PDE4B: variants seen among roughly 807,000 people sequenced by gnomAD.
PDE4B encodes the protein phosphodiesterase 4B.
PDE4B carries 20 observed loss-of-function variants against 82.2 expected under a neutral mutation model. The ratio of observed to expected loss-of-function variants is 0.24; its 90% CI spans 0.17 to 0.35. The LOEUF is 0.35. Ranked by LOEUF, PDE4B falls within the 10% of genes least tolerant of loss-of-function variation. The pLI is 1.00. For missense variants in PDE4B, 655 were observed against 907.2 expected, an observed-to-expected ratio of 0.72 and a Z score of 3.57; for synonymous variants, 320 against 318.9, an observed-to-expected ratio of 1.00 and a Z score of -0.04.
chr1:66,360,857 A>G (rs775634327), intron 9 of PDE4B: 1 of 152,198 alleles, frequency 6.6e-6, no homozygotes, highest in Admixed American at 6.5e-5. Flanking sequence ...AAAAAATATT[A>G]TGAAGTATCA....
At chr1:66,332,473 C>G (rs1660195864) in intron 7 of PDE4B, 35 bp from the exon 8 acceptor site, 4 of 1,614,036 alleles carry the variant, frequency 2.5e-6, no homozygotes, top group Non-Finnish European at 3.4e-6. Flanking sequence ...TGCAGCCGCT[C>G]CAGCCTAACT....
chr1:65,948,924 C>T (rs778087593), intron 3 of PDE4B, among the ~76,000 whole-genome samples: 3 of 152,062 alleles, frequency 2.0e-5, no homozygotes, highest in Non-Finnish European at 2.9e-5. Flanking sequence ...TCTACTCTGC[C>T]GTCACGTATC....
At chr1:65,849,009 C>T (rs6681523) in intron 1 of PDE4B, among the ~76,000 whole-genome samples, 106,650 of 151,970 alleles carry the variant, frequency 0.7, 37,675 homozygotes, top group African/African-American at 0.73. Flanking sequence ...AGAATACTAT[C>T]ATTAGACCAT....
intron 3 of PDE4B, among the ~76,000 whole-genome samples, chr1:66,131,153 G>T (rs538388508): frequency 1.3e-5 from 2 of 152,194 alleles, no homozygotes; most frequent in Admixed American, 1.3e-4. Context: ...GTTGTGCAAA[G>T]GTAAAAAACA....
Position 66,052,003 on chromosome 1 carries a change from C to G in PDE4B, c.281+133168C>G, listed in dbSNP as rs1411254340. ...ATCTTCTGAGGTTCTGTTGGGTTTA[C>G]CAAGGTGGTGGGGCCTGCATTGAAG... On this transcript the variant is annotated intron_variant, in intron 3 of 16. Transcript: ENST00000341517. Among the ~76,000 whole-genome samples the G allele has an allele frequency of 1.6e-4, 7 of 44,090 alleles. No homozygotes were observed. In the East Asian group the frequency reaches 2.2e-3, roughly 14 times the overall value. 28.9% of individuals were successfully genotyped at this position (44,090 alleles called of 152,430 possible).
At chr1:66,205,764 T>C (rs1409856542) in intron 3 of PDE4B, among the ~76,000 whole-genome samples, 2 of 152,262 alleles carry the variant, frequency 1.3e-5, no homozygotes, top group Non-Finnish European at 2.9e-5. Context: ...CTGTCTGTGC[T>C]AGAAAGGAAC....
At chr1:66,063,460 G>A (rs12083949) in intron 3 of PDE4B, among the ~76,000 whole-genome samples, 2,602 of 152,060 alleles carry the variant, frequency 0.017, 75 homozygotes, top group African/African-American at 0.059. Context: ...GGAAACACTA[G>A]TCTTTTCTAA....
At chr1:65,924,273 A>G (rs1377063046) in intron 3 of PDE4B, among the ~76,000 whole-genome samples, 1 of 146,478 alleles carries the variant, frequency 6.8e-6, no homozygotes, top group Non-Finnish European at 1.5e-5. Context: ...ACGGGGTTTC[A>G]CTGTTTTAGC....
At chr1:65,867,487 A>G (rs567028578) in intron 1 of PDE4B, among the ~76,000 whole-genome samples, 3 of 152,340 alleles carry the variant, frequency 2.0e-5, no homozygotes, top group African/African-American at 4.8e-5. Flanking sequence ...ACATTTATCA[A>G]ATCATAGCTT....
At chr1:66,159,705 TTTATTCCTG>T (rs1323221998) in intron 3 of PDE4B, among the ~76,000 whole-genome samples, 2 of 152,158 alleles carry the variant, frequency 1.3e-5, no homozygotes, top group Non-Finnish European at 2.9e-5. Flanking sequence ...GGTAGTGTCT[TTTATTCCTG>T]TAGAAATAAC....
At chr1:65,906,738 A>G (rs1318939835) in intron 1 of PDE4B, among the ~76,000 whole-genome samples, 1 of 152,134 alleles carries the variant, frequency 6.6e-6, no homozygotes, top group East Asian at 1.9e-4. Context: ...CACCATGTGT[A>G]TTGATTTCAA....
chr1:66,221,208 T>C (rs1462270951), intron 3 of PDE4B, among the ~76,000 whole-genome samples: 1 of 152,056 alleles, frequency 6.6e-6, no homozygotes, highest in Admixed American at 6.6e-5. Flanking sequence ...GCCACCCTCC[T>C]AGGATAAAGA....
chr1:65,977,466 A>G (rs761408031), intron 3 of PDE4B, among the ~76,000 whole-genome samples: 2 of 152,234 alleles, frequency 1.3e-5, no homozygotes, highest in Non-Finnish European at 2.9e-5. Flanking sequence ...AGTTTTCCCA[A>G]TAATAAAGCC....
At chr1:65,987,223 A>T (rs746007099) in intron 3 of PDE4B, among the ~76,000 whole-genome samples, 2 of 152,200 alleles carry the variant, frequency 1.3e-5, no homozygotes, top group Non-Finnish European at 2.9e-5. Context: ...AGCATCTAGG[A>T]TACAAGCCTC....
At chr1:66,176,132 C>A (rs1213624571) in intron 3 of PDE4B, among the ~76,000 whole-genome samples, 3 of 152,178 alleles carry the variant, frequency 2.0e-5, no homozygotes, top group African/African-American at 7.2e-5. Flanking sequence ...GACCTTCCTC[C>A]CTGTCAGAAA....
intron 1 of PDE4B, among the ~76,000 whole-genome samples, chr1:65,895,278 G>A (rs577558267): frequency 2.1e-4 from 32 of 152,066 alleles, no homozygotes; most frequent in African/African-American, 6.7e-4. Flanking sequence ...GGCTGGGTGC[G>A]GTGGCTCACA....
intron 12 of PDE4B, 49 bp downstream of exon 12, chr1:66,363,620 A>G (rs763694238): frequency 1.3e-6 from 2 of 1,481,592 alleles, no homozygotes; most frequent in Non-Finnish European, 1.9e-6. Flanking sequence ...TCCTTCAAAA[A>G]TGCCATATCA....
intron 3 of PDE4B, among the ~76,000 whole-genome samples, chr1:66,137,637 T>A (rs1646085276): frequency 6.6e-6 from 1 of 152,184 alleles, no homozygotes; most frequent in African/African-American, 2.4e-5. Flanking sequence ...TGTTAGAGTC[T>A]GGACAGCATG....
At chr1:65,809,332 CAAAAAAAAAAAAAAAAAAAA>C (rs11366228) in intron 1 of PDE4B, among the ~76,000 whole-genome samples, 1 of 72,514 alleles carries the variant, frequency 1.4e-5, no homozygotes, top group Non-Finnish European at 2.5e-5. Context: ...CTCCATCTCA[CAAAAAAAAAAAAAAAAAAAA>C]AAAAAAAAAA....
Sources: allele counts gnomAD v4.1 joint callset (sites outside exome capture counted in the v4.1 genomes callset), GRCh38; gene constraint gnomAD v4.1.1; transcripts MANE v1.5; gene names NCBI Gene and HGNC (gene_info 2026-07-23, HGNC 2026-07-21).